Variants in SETD2 observed in about 807,000 individuals in gnomAD.
SETD2 encodes histone-lysine N-methyltransferase SETD2.
Under a neutral mutation model 242.1 loss-of-function variants are expected in SETD2, and 31 were observed. The ratio of observed to expected loss-of-function variants is 0.13; its 90% confidence interval spans 0.10 to 0.17. SETD2 has a LOEUF of 0.17. SETD2 is among the 10% of genes least tolerant of loss of function. SETD2 has a pLI of 1.00. For missense variants in SETD2, 2,481 were observed against 3,046.3 expected (o/e 0.81, Z 4.37); for synonymous variants, 1,006 against 1,066.5 (o/e 0.94, Z 1.11).
intron 13 of SETD2, chr3:47,064,489 T>C (rs1193677879): frequency 1.6e-5 from 3 of 193,272 alleles, no homozygotes; most frequent in Non-Finnish European, 3.5e-5. Flanking sequence ...TCTTACCTAG[T>C]ATAAATTTCC....
rs2106869341 is a variant in SETD2 at position 47,163,988 on chromosome 3, A to G, written c.-64T>C. 8.0e-7 allele frequency: 1 copy of G among 1,245,168 alleles called. No homozygotes were observed. Among genetic ancestry groups the G allele is most frequent in the Non-Finnish European group, 1.0e-6 (1 of 988,614 alleles). 77.1% of individuals were successfully genotyped at this position (1,245,168 alleles called of 1,614,324 possible). ...GCAGCAGGGCGACGCGGGGGAGGGG[A>G]GGGGAGGAGGCCGCAGGTCCGACCG... is the stretch of plus-strand genomic sequence containing the variant. On this transcript the variant is annotated 5_prime_UTR_variant, in exon 1 of 21. Transcript: ENST00000409792.
intron 18 of SETD2, among the ~76,000 whole-genome samples, chr3:47,031,893 A>G (rs374502849): frequency 6.6e-6 from 1 of 152,238 alleles, no homozygotes; most frequent in Admixed American, 6.5e-5. Flanking sequence ...ACATATAACA[A>G]TAATATAATT....
rs577739667 is a variant in SETD2 at position 47,126,412 on chromosome 3, C to G, written c.87+236G>C. On this transcript the variant is annotated intron_variant, in intron 2 of 20. Transcript: ENST00000409792. ...ATATTTTTAGAACTTCCAACTTTCT[C>G]TACCTTTCCTAAATCTCTTGAAGCT... Among the ~76,000 whole-genome samples the G allele has an allele frequency of 2.0e-5, 3 of 152,350 alleles. No individual in the cohort carries two copies. The South Asian group carries it at 6.2e-4, about 32-fold the overall frequency.
chr3:47,025,843 A>G (rs1287854143), intron 18 of SETD2, among the ~76,000 whole-genome samples: 1 of 152,236 alleles, frequency 6.6e-6, no homozygotes, highest in Non-Finnish European at 1.5e-5. Flanking sequence ...ACCTAAAACC[A>G]TAAAAAGCCT....
At chr3:47,086,792 G>A (rs1362278639) in intron 10 of SETD2, among the ~76,000 whole-genome samples, 3 of 150,802 alleles carry the variant, frequency 2.0e-5, no homozygotes, top group Non-Finnish European at 4.4e-5. Context: ...CAGCACTTTC[G>A]AAGGTGGAAG....
In SETD2 at chr3:47,048,652, T is replaced by C. The variant is rs78508851; in HGVS notation, c.6964-2031A>G. ...CTTTTTAACTCTTTTATAACACTTATCTTAAAATACAAACACATTCTACAG... is the reference window on the plus strand; with the variant it reads ...CTTTTTAACTCTTTTATAACACTTACCTTAAAATACAAACACATTCTACAG... On this transcript the variant is annotated intron_variant, in intron 15 of 20. Coordinates refer to ENST00000409792, the MANE Select transcript of SETD2 (RefSeq NM_014159.7). 2.1e-3 allele frequency among the ~76,000 whole-genome samples: 315 copies of C among 152,304 alleles called. 3 individuals carry two copies. The highest frequency in any genetic ancestry group is 6.6e-3 in the African/African-American group (275 of 41,564).
At chr3:47,155,301 T>C (rs916232858) in intron 1 of SETD2, among the ~76,000 whole-genome samples, 1 of 152,188 alleles carries the variant, frequency 6.6e-6, no homozygotes, top group African/African-American at 2.4e-5. Flanking sequence ...TGTTCTTAGG[T>C]AACACTATCA....
intron 12 of SETD2, among the ~76,000 whole-genome samples, chr3:47,080,152 C>G (rs1400138978): frequency 6.6e-6 from 1 of 152,082 alleles, no homozygotes; most frequent in African/African-American, 2.4e-5. Flanking sequence ...TTTAACTTTT[C>G]ATAGAGAGTT....
intron 18 of SETD2, among the ~76,000 whole-genome samples, chr3:47,022,474 GC>G (rs2038275572): frequency 6.6e-6 from 1 of 152,156 alleles, no homozygotes; most frequent in African/African-American, 2.4e-5. Context: ...CTGCACTCCA[GC>G]CTGGGCAACA....
intron 15 of SETD2, among the ~76,000 whole-genome samples, chr3:47,056,214 TCCTGGGTTCAAGCGATTCTC>T (rs947009047): frequency 6.6e-6 from 1 of 151,462 alleles, no homozygotes; most frequent in Non-Finnish European, 1.5e-5. Flanking sequence ...AACCTCTGCC[TCCTGGGTTCAAGCGATTCTC>T]CTGCCTCAGC....
chr3:47,023,996 A>G (rs2038357397), intron 18 of SETD2, among the ~76,000 whole-genome samples: 1 of 152,136 alleles, frequency 6.6e-6, no homozygotes, highest in East Asian at 1.9e-4. Flanking sequence ...CCGTATGCCT[A>G]TTTCCCTCTC....
intron 1 of SETD2, among the ~76,000 whole-genome samples, chr3:47,141,235 T>A (rs550895603): frequency 2.4e-4 from 36 of 152,182 alleles, no homozygotes; most frequent in Admixed American, 7.2e-4. Flanking sequence ...CTCAAACTCC[T>A]GGGCTCAAGC....
chr3:47,154,425 AG>A (rs1279176387), intron 1 of SETD2, among the ~76,000 whole-genome samples: 1 of 152,118 alleles, frequency 6.6e-6, no homozygotes, highest in African/African-American at 2.4e-5. Context: ...AAAGAAAGAA[AG>A]AAAGATAAGC....
Position 47,163,942 on chromosome 3 carries a change from G to T in SETD2, c.-18C>A, listed in dbSNP as rs370730830. Reference sequence around the variant, plus strand: ...TGCTTCATCGGGAGCGGCTGGAGACGGCGACGCGAGCCCCCTCCCCGCAGC... The same window carrying T: ...TGCTTCATCGGGAGCGGCTGGAGACTGCGACGCGAGCCCCCTCCCCGCAGC... On this transcript the variant is annotated 5_prime_UTR_variant, in exon 1 of 21. Transcript: ENST00000409792. 2 of 1,283,182 alleles carry T rather than the reference G, an allele frequency of 1.6e-6. No individual in the cohort carries two copies. Among genetic ancestry groups the T allele is most frequent in the African/African-American group, 1.5e-5 (1 of 65,322 alleles). The allele number at this position is 1,283,182 out of a possible 1,614,324, so 79.5% of individuals were successfully genotyped here.
intron 15 of SETD2, among the ~76,000 whole-genome samples, chr3:47,053,249 G>A (rs548016130): frequency 6.6e-6 from 1 of 152,142 alleles, no homozygotes; most frequent in Non-Finnish European, 1.5e-5. Context: ...AGGTTATAGA[G>A]AGAAAAATAC....
intron 1 of SETD2, among the ~76,000 whole-genome samples, chr3:47,131,988 G>C (rs530715592): frequency 5.6e-4 from 84 of 151,162 alleles, no homozygotes; most frequent in African/African-American, 1.8e-3. Context: ...ATGCTGGCCA[G>C]GCTGGTCTTG....
chr3:47,099,097 T>C (rs1477901156), intron 8 of SETD2, among the ~76,000 whole-genome samples: 4 of 152,174 alleles, frequency 2.6e-5, no homozygotes, highest in African/African-American at 9.7e-5. Flanking sequence ...ATCATCAGTT[T>C]CAGAGTTCAC....
At chr3:47,039,784 G>C (rs780578644) in intron 17 of SETD2, among the ~76,000 whole-genome samples, 7 of 146,964 alleles carry the variant, frequency 4.8e-5, no homozygotes, top group Non-Finnish European at 1.0e-4. Flanking sequence ...AGGAAGCTGA[G>C]AGGCAGGAGA....
chr3:47,034,351 A>T, intron 18 of SETD2, among the ~76,000 whole-genome samples: 1 of 152,212 alleles, frequency 6.6e-6, no homozygotes, highest in East Asian at 1.9e-4. Flanking sequence ...GTTTTTATAC[A>T]TGTACCTCCC....
Sources: gnomAD v4.1 joint callset for allele counts (sites outside exome capture counted in the v4.1 genomes callset) on GRCh38, gnomAD v4.1.1 for gene constraint, MANE v1.5 for transcripts, NCBI Gene and HGNC (gene_info 2026-07-23, HGNC 2026-07-21) for gene names.